The following CNBD2 variants were observed in gnomAD, a reference collection of about 807,000 sequenced individuals.
CNBD2 encodes cyclic nucleotide binding domain containing 2.
CNBD2 carries 64 observed loss-of-function variants against 63.7 expected under a neutral mutation model. That is an observed-to-expected ratio of 1.00 (90% confidence interval 0.82 to 1.24). The LOEUF is 1.24. Ranked by LOEUF, CNBD2 falls within the 50% of genes most tolerant of loss-of-function variation. The pLI, the probability that CNBD2 is intolerant of heterozygous loss-of-function variation, is 0.00. For missense variants in CNBD2, 691 were observed against 713.5 expected (o/e 0.97, Z 0.36); for synonymous variants, 229 against 255.4 (o/e 0.90, Z 0.99).
chr20:35,971,560 C>A (rs1355873693), intron 1 of CNBD2, among the ~76,000 whole-genome samples: 1 of 152,122 alleles, frequency 6.6e-6, no homozygotes, highest in Non-Finnish European at 1.5e-5. Flanking sequence ...GGACTACAGG[C>A]AAGCACCACC....
chr20:36,012,413 G>A (rs951914986), intron 10 of CNBD2, among the ~76,000 whole-genome samples: 1 of 151,612 alleles, frequency 6.6e-6, no homozygotes, highest in Non-Finnish European at 1.5e-5. Context: ...AGGAGGCAGA[G>A]GTTGAAGTGA....
At chr20:35,993,305 C>T (rs952270927) in intron 7 of CNBD2, among the ~76,000 whole-genome samples, 1 of 152,172 alleles carries the variant, frequency 6.6e-6, no homozygotes, top group African/African-American at 2.4e-5. Context: ...CCTTCCTAGA[C>T]AAAATCCCCC....
intron 8 of CNBD2, among the ~76,000 whole-genome samples, chr20:36,002,002 G>A (rs938896596): frequency 2.6e-5 from 4 of 152,206 alleles, no homozygotes; most frequent in South Asian, 4.1e-4. Context: ...GGTGGCGGCC[G>A]GGCAGAGGCT....
intron 6 of CNBD2, among the ~76,000 whole-genome samples, chr20:35,986,327 G>A (rs1360089718): frequency 6.6e-6 from 1 of 151,938 alleles, no homozygotes; most frequent in Non-Finnish European, 1.5e-5. Flanking sequence ...AAAGGGAGGA[G>A]CTGTTTTTTT....
At chr20:35,988,925 A>G (rs2056705787) in intron 7 of CNBD2, among the ~76,000 whole-genome samples, 1 of 152,170 alleles carries the variant, frequency 6.6e-6, no homozygotes, top group African/African-American at 2.4e-5. Flanking sequence ...ATGTTTGTTT[A>G]TGACCTACAT....
intron 10 of CNBD2, among the ~76,000 whole-genome samples, chr20:36,018,108 A>T (rs1439372664): frequency 3.9e-5 from 6 of 152,186 alleles, no homozygotes; most frequent in Non-Finnish European, 2.9e-5. Flanking sequence ...GAGTTAGTGA[A>T]GGTGGTGTCT....
chr20:36,030,209 G>A (rs2057327283), intron 11 of CNBD2, 148 bp from the exon 12 acceptor site: 2 of 775,164 alleles, frequency 2.6e-6, no homozygotes, highest in African/African-American at 1.7e-5. Flanking sequence ...AGAAAACTGT[G>A]GAAAGGGAAA....
chr20:35,963,450 G>A (rs1176468692), intron 2 of CNBD2, among the ~76,000 whole-genome samples: 1 of 151,990 alleles, frequency 6.6e-6, no homozygotes, highest in Non-Finnish European at 1.5e-5. Flanking sequence ...AGACCAGCCT[G>A]GCCAACATGG....
At chr20:35,980,719 C>A in intron 4 of CNBD2, 97 bp downstream of exon 4, 1 of 1,127,532 alleles carries the variant, frequency 8.9e-7, no homozygotes, top group Non-Finnish European at 1.3e-6. Flanking sequence ...CACCCCTCTG[C>A]ATAATGTCAG....
intron 8 of CNBD2, among the ~76,000 whole-genome samples, chr20:36,004,576 T>G (rs1271178305): frequency 6.6e-6 from 1 of 152,118 alleles, no homozygotes; most frequent in Non-Finnish European, 1.5e-5. Flanking sequence ...AATGTCTTTT[T>G]TTTTTTTTGA....
chr20:35,965,548 A>G (rs900367582), upstream of CNBD2, among the ~76,000 whole-genome samples: 4 of 152,170 alleles, frequency 2.6e-5, no homozygotes, highest in Non-Finnish European at 4.4e-5. Flanking sequence ...TGAGGCCCCA[A>G]GTAGTTAAGT....
chr20:35,983,409 C>G lies in CNBD2; in HGVS notation c.408-573C>G. Among the ~76,000 whole-genome samples, 3 of 152,220 alleles carry G rather than the reference C, an allele frequency of 2.0e-5. No individual in the cohort carries two copies. The Middle Eastern group carries it at 0.01, about 518-fold the overall frequency. On this transcript the variant is annotated intron_variant, in intron 4 of 11. Coordinates refer to ENST00000373973, the MANE Select transcript of CNBD2 (RefSeq NM_001365709.1). ...CCTCTGAGTTTAAGAACTCCTTGTTCGCTCTGGGCCTGGGCACCTCTACCC... is the reference window on the plus strand; with the variant it reads ...CCTCTGAGTTTAAGAACTCCTTGTTGGCTCTGGGCCTGGGCACCTCTACCC...
chr20:36,020,372 C>T (rs973861019), intron 10 of CNBD2, among the ~76,000 whole-genome samples: 67 of 152,146 alleles, frequency 4.4e-4, no homozygotes, highest in African/African-American at 1.4e-3. Flanking sequence ...TGAGCCACTG[C>T]GCCCGGCCGA....
chr20:35,978,303 C>G (rs1243280492), intron 3 of CNBD2, among the ~76,000 whole-genome samples: 2 of 151,794 alleles, frequency 1.3e-5, no homozygotes, highest in African/African-American at 2.4e-5. Context: ...TAGTGCCCCC[C>G]AGTAGCTAGG....
intron 1 of CNBD2, among the ~76,000 whole-genome samples, chr20:35,969,254 C>A (rs962419044): frequency 6.6e-6 from 1 of 152,184 alleles, no homozygotes; most frequent in Admixed American, 6.5e-5. Context: ...AATACTAGTA[C>A]CTACTGCATA....
intron 3 of CNBD2, among the ~76,000 whole-genome samples, chr20:35,979,597 A>G (rs371768947): frequency 6.6e-6 from 1 of 152,304 alleles, no homozygotes; most frequent in African/African-American, 2.4e-5. Context: ...TTATATTTTG[A>G]CACAAGTTTT....
At chr20:36,028,036 G>T (rs141680649) in intron 11 of CNBD2, among the ~76,000 whole-genome samples, 1 of 152,272 alleles carries the variant, frequency 6.6e-6, no homozygotes, top group South Asian at 2.1e-4. Context: ...AGTCTTGTGA[G>T]AAAAACAAGC....
At chr20:36,010,764 A>G (rs1343136991) in intron 9 of CNBD2, among the ~76,000 whole-genome samples, 2 of 134,386 alleles carry the variant, frequency 1.5e-5, no homozygotes, top group Non-Finnish European at 3.1e-5. Context: ...TCCGTCTCAA[A>G]GAAAAAAAAG....
chr20:36,013,366 A>C (rs2057088680), intron 10 of CNBD2, among the ~76,000 whole-genome samples: 2 of 151,764 alleles, frequency 1.3e-5, no homozygotes, highest in South Asian at 4.2e-4. Context: ...TGCAGTGAGC[A>C]GAGATCGCGC....
Sources: gnomAD v4.1 joint callset for allele counts (sites outside exome capture counted in the v4.1 genomes callset) on GRCh38, gnomAD v4.1.1 for gene constraint, MANE v1.5 for transcripts, NCBI Gene and HGNC (gene_info 2026-07-23, HGNC 2026-07-21) for gene names.